The following GDF5 variants were observed in gnomAD, a reference collection of about 807,000 sequenced individuals.
GDF5 encodes the protein growth differentiation factor 5, also known as growth/differentiation factor 5.
Under a neutral mutation model 34.6 loss-of-function variants are expected in GDF5, and 17 were observed. The observed-to-expected ratio is 0.49, with a 90% CI of 0.34 to 0.74. GDF5 has a LOEUF of 0.74. Ranked by LOEUF, GDF5 falls within the 30% of genes least tolerant of loss-of-function variation. The pLI, the probability that GDF5 is intolerant of heterozygous loss-of-function variation, is 0.01. For missense variants in GDF5, 616 were observed against 661.2 expected, an observed-to-expected ratio of 0.93 and a Z score of 0.75; for synonymous variants, 332 against 290.7, an observed-to-expected ratio of 1.14 and a Z score of -1.44.
At chr20:35,448,233 C>A (rs1479269455) in intron 1 of GDF5, among the ~76,000 whole-genome samples, 2 of 151,728 alleles carry the variant, frequency 1.3e-5, no homozygotes, top group Non-Finnish European at 1.5e-5. Context: ...ATTCTAATTC[C>A]CACTTTGTGT....
At chr20:35,451,372 C>T (rs897975673) in intron 1 of GDF5, among the ~76,000 whole-genome samples, 2 of 151,820 alleles carry the variant, frequency 1.3e-5, no homozygotes, top group Non-Finnish European at 2.9e-5. Flanking sequence ...TTCAACTCAT[C>T]CATTGCCTTT....
chr20:35,450,036 C>T (rs756567509), intron 1 of GDF5, among the ~76,000 whole-genome samples: 33 of 151,602 alleles, frequency 2.2e-4, no homozygotes, highest in Non-Finnish European at 2.9e-4. Context: ...GGCGTCGCGG[C>T]TCACGCCTGT....
At position 35,434,381 on chromosome 20, in the gene GDF5, A is replaced by G. The variant is rs776999097; in HGVS notation, c.1034T>C (p.Phe345Ser). Residue 345 changes from phenylalanine (F) to serine (S), a missense_variant, in exon 2 of 2, where the codon TTT becomes TCT. Transcript: ENST00000374369. ...QVHEKALFLV[F>S]GRTKKRDLFF... is the part of the protein sequence containing the mutation. ...CAGGTCCCGTTTCTTGGTGCGGCCAAACACCAGGAACAGGGCTTTCTCGTG... is the reference window on the plus strand; with the variant it reads ...CAGGTCCCGTTTCTTGGTGCGGCCAGACACCAGGAACAGGGCTTTCTCGTG... 6 of 1,613,584 alleles carry G rather than the reference A, an allele frequency of 3.7e-6. No homozygotes were observed. The African/African-American group carries it at 4.0e-5, about 11-fold the overall frequency.
chr20:35,446,743 G>A (rs1280205315), intron 1 of GDF5, among the ~76,000 whole-genome samples: 2 of 152,046 alleles, frequency 1.3e-5, no homozygotes, highest in Non-Finnish European at 2.9e-5. Flanking sequence ...AAAGACGACC[G>A]AGCTAGAATT....
intron 1 of GDF5, among the ~76,000 whole-genome samples, chr20:35,447,278 C>T (rs1244910467): frequency 6.6e-6 from 1 of 151,994 alleles, no homozygotes; most frequent in Non-Finnish European, 1.5e-5. Context: ...TGTTCAATTC[C>T]CGCGTGTTCT....
intron 1 of GDF5, among the ~76,000 whole-genome samples, chr20:35,451,072 T>TATATATATATATAA (rs2062531159): frequency 5.8e-4 from 24 of 41,400 alleles, no homozygotes; most frequent in African/African-American, 1.1e-3. Context: ...AAAATATATA[T>TATATATATATATAA]ATATATATAT....
chr20:35,436,397 C>A (rs1182886987), intron 1 of GDF5, among the ~76,000 whole-genome samples: 1 of 151,738 alleles, frequency 6.6e-6, no homozygotes, highest in Admixed American at 6.6e-5. Context: ...CCCTCCCCCA[C>A]CCTGCCAGCC....
upstream of GDF5, among the ~76,000 whole-genome samples, chr20:35,439,887 A>G (rs1341037369): frequency 6.7e-6 from 1 of 149,924 alleles, no homozygotes; most frequent in Non-Finnish European, 1.5e-5. Flanking sequence ...GGGGAGAAGC[A>G]ATAGTCAGAT....
intron 1 of GDF5, among the ~76,000 whole-genome samples, chr20:35,436,554 A>G (rs2062473584): frequency 1.3e-5 from 2 of 152,180 alleles, no homozygotes. Context: ...CAACAGTAAC[A>G]TTAGGTGGGC....
At chr20:35,436,565 C>T (rs988701523) in intron 1 of GDF5, among the ~76,000 whole-genome samples, 11 of 151,956 alleles carry the variant, frequency 7.2e-5, no homozygotes, top group African/African-American at 2.4e-4. Flanking sequence ...TTAGGTGGGC[C>T]GAGAGAGACA....
intron 1 of GDF5, among the ~76,000 whole-genome samples, chr20:35,454,452 CA>C (rs5841211): frequency 0.047 from 4,854 of 103,022 alleles, 72 homozygotes; most frequent in Middle Eastern, 0.09. Context: ...GACTCCATTT[CA>C]AAAAAAAAAA....
chr20:35,438,379 C>CACACACACAA (rs2062484726), upstream of GDF5: 1 of 189,260 alleles, frequency 5.3e-6, no homozygotes, highest in Non-Finnish European at 1.1e-5. Flanking sequence ...CACACACACA[C>CACACACACAA]ACACACACAC....
chr20:35,453,904 TAC>T (rs1369458573), intron 1 of GDF5: 6 of 534,392 alleles, frequency 1.1e-5, no homozygotes, highest in Non-Finnish European at 2.3e-5. Flanking sequence ...ATGACCAAAT[TAC>T]AGTCTCTACG....
rs1332904354 is a variant in GDF5 at position 35,433,870 on chromosome 20, T to C, written c.*39A>G. ...ATTCCAGGAGTGCAGGAAGGGGCTCTTGGGATGTGCCACCCAGGAAGACAG... is the reference window on the plus strand; with the variant it reads ...ATTCCAGGAGTGCAGGAAGGGGCTCCTGGGATGTGCCACCCAGGAAGACAG... On this transcript the variant is annotated 3_prime_UTR_variant, in exon 2 of 2. Coordinates refer to ENST00000374369, the MANE Select transcript of GDF5 (RefSeq NM_000557.5). The C allele has an allele frequency of 8.3e-6, 13 of 1,573,464 alleles. No individual in the cohort carries two copies. The highest frequency in any genetic ancestry group is 1.1e-5 in the Non-Finnish European group (13 of 1,143,218).
intron 1 of GDF5, among the ~76,000 whole-genome samples, chr20:35,450,113 G>A (rs187281205): frequency 6.6e-6 from 1 of 150,706 alleles, no homozygotes; most frequent in East Asian, 2.0e-4. Flanking sequence ...GACCAGCCTC[G>A]CTAACATGGT....
chr20:35,449,016 G>A (rs1158420624), intron 1 of GDF5, among the ~76,000 whole-genome samples: 1 of 152,216 alleles, frequency 6.6e-6, no homozygotes, highest in Non-Finnish European at 1.5e-5. Flanking sequence ...AATTCAACCA[G>A]ATGGTGGCAT....
intron 1 of GDF5, among the ~76,000 whole-genome samples, 192 bp downstream of exon 1, chr20:35,437,106 C>T (rs2062475401): frequency 6.6e-6 from 1 of 152,170 alleles, no homozygotes; most frequent in Admixed American, 6.5e-5. Context: ...TTCCTAGGTG[C>T]CCTCCAGCCC....
At chr20:35,442,127 C>T (rs114681750), upstream of GDF5, among the ~76,000 whole-genome samples, 95 of 152,236 alleles carry the variant, frequency 6.2e-4, no homozygotes, top group African/African-American at 2.3e-3. Flanking sequence ...AGGTGTGAAT[C>T]ACCACATGTG....
In GDF5 at chr20:35,451,143, C is replaced by CAT. The variant is rs372613909; in HGVS notation, c.-398+3495_-398+3496dup. 3.3e-3 allele frequency among the ~76,000 whole-genome samples: 467 copies of CAT among 140,974 alleles called. 2 individuals are homozygous for CAT. The highest frequency in any genetic ancestry group is 0.011 in the Middle Eastern group (3 of 264). The allele number at this position is 140,974 out of a possible 152,430, so 92.5% of individuals were successfully genotyped here. ...GCACCTCATTTTGAAATTTCACATACATATATATATATATTTTTTAATTCA... is the reference window on the plus strand; with the variant it reads ...GCACCTCATTTTGAAATTTCACATACATATATATATATATATTTTTTAATTCA... On this transcript the variant is annotated intron_variant, in intron 1 of 3. Transcript: ENST00000374372.
Sources: gnomAD v4.1 joint callset for allele counts (sites outside exome capture counted in the v4.1 genomes callset) on GRCh38, gnomAD v4.1.1 for gene constraint, MANE v1.5 for transcripts, NCBI Gene and HGNC (gene_info 2026-07-23, HGNC 2026-07-21) for gene names.